Variants in ANO2 observed in about 807,000 individuals in gnomAD.
ANO2 encodes anoctamin 2, also known as anoctamin-2.
In ANO2, 101 loss-of-function variants were observed where a neutral mutation model predicts 124.2. The observed-to-expected ratio is 0.81, with a 90% confidence interval of 0.69 to 0.96. The LOEUF (loss-of-function observed/expected upper bound fraction) is 0.96. Among genes scored for constraint, ANO2 ranks in the 40% least tolerant of loss-of-function variants. The pLI is 0.00. For missense variants in ANO2, 1,293 were observed against 1,274.5 expected, an observed-to-expected ratio of 1.01 and a Z score of -0.22; for synonymous variants, 486 against 482.5, an observed-to-expected ratio of 1.01 and a Z score of -0.09.
chr12:5,565,805 G>A (rs1461191321), intron 23 of ANO2, 142 bp from the exon 24 acceptor site: 1 of 641,862 alleles, frequency 1.6e-6, no homozygotes, highest in East Asian at 2.9e-5. Context: ...GGGAAGTGGG[G>A]GGAATCTATG....
intron 14 of ANO2, among the ~76,000 whole-genome samples, chr12:5,705,144 G>A (rs1269114068): frequency 6.6e-6 from 1 of 152,184 alleles, no homozygotes; most frequent in African/African-American, 2.4e-5. Context: ...ATGTTTTATG[G>A]GGAATGGAGA....
chr12:5,798,261 C>T (rs1422744932), intron 10 of ANO2, among the ~76,000 whole-genome samples: 1 of 151,992 alleles, frequency 6.6e-6, no homozygotes, highest in Non-Finnish European at 1.5e-5. Flanking sequence ...GGCACCTGGT[C>T]ACAGGCCCCG....
intron 3 of ANO2, among the ~76,000 whole-genome samples, chr12:5,872,137 C>G (rs2137282463): frequency 6.6e-6 from 1 of 152,094 alleles, no homozygotes; most frequent in East Asian, 1.9e-4. Flanking sequence ...TTCCATTGTC[C>G]TTTTTCCCTC....
chr12:5,937,329 CA>C (rs1942691521), intron 1 of ANO2, among the ~76,000 whole-genome samples: 1 of 152,182 alleles, frequency 6.6e-6, no homozygotes, highest in Non-Finnish European at 1.5e-5. Flanking sequence ...AGGACTTTTT[CA>C]TATACCTGTT....
At chr12:5,662,179 A>G (rs893366853) in intron 14 of ANO2, among the ~76,000 whole-genome samples, 1 of 152,262 alleles carries the variant, frequency 6.6e-6, no homozygotes, top group Non-Finnish European at 1.5e-5. Flanking sequence ...GCCTGCAGCC[A>G]AAGCTTGTTT....
intron 19 of ANO2, among the ~76,000 whole-genome samples, chr12:5,601,179 A>G (rs1217152256): frequency 6.6e-6 from 1 of 152,148 alleles, no homozygotes; most frequent in East Asian, 1.9e-4. Context: ...TAACTTGCCC[A>G]CAGGGTGAGT....
intron 15 of ANO2, among the ~76,000 whole-genome samples, chr12:5,646,644 C>T (rs1797816262): frequency 6.6e-6 from 1 of 152,174 alleles, no homozygotes; most frequent in African/African-American, 2.4e-5. Context: ...AACTTTCTAT[C>T]ATTGCAGCTT....
In ANO2 at chr12:5,584,131, A is replaced by ACCC. The variant is rs35425375; in HGVS notation, c.2234-5616_2234-5614dup. Reference sequence around the variant, plus strand: ...TGTGTCATTCCTTAATTTAATGAACACCCCCCCCCCGCCGCAAGAATATTA... The same window carrying ACCC: ...TGTGTCATTCCTTAATTTAATGAACACCCCCCCCCCCCCGCCGCAAGAATATTA... On this transcript the variant is annotated intron_variant, in intron 20 of 24. Coordinates refer to ENST00000682330, the MANE Select transcript of ANO2 (RefSeq NM_001364791.2). 248 of 133,906 alleles carry ACCC rather than the reference A, an allele frequency of 1.9e-3. 1 individual carries two copies. The highest frequency in any genetic ancestry group is 4.2e-3 in the African/African-American group (137 of 32,254). The allele number at this position is 133,906 out of a possible 1,614,324, so 8.3% of individuals were successfully genotyped here.
intron 24 of ANO2, among the ~76,000 whole-genome samples, chr12:5,564,971 T>C (rs531745238): frequency 3.3e-5 from 5 of 152,042 alleles, no homozygotes; most frequent in South Asian, 2.1e-4. Flanking sequence ...AGAGTGGGAA[T>C]TGGGGGCCCT....
intron 20 of ANO2, among the ~76,000 whole-genome samples, 154 bp from the exon 21 acceptor site, chr12:5,578,672 C>T (rs1326198499): frequency 3.9e-5 from 6 of 152,172 alleles, no homozygotes; most frequent in Non-Finnish European, 7.3e-5. Flanking sequence ...GTCACATACA[C>T]GGTATTTCTT....
At chr12:5,753,322 T>C (rs1213086651) in intron 10 of ANO2, among the ~76,000 whole-genome samples, 11 of 152,120 alleles carry the variant, frequency 7.2e-5, no homozygotes, top group Admixed American at 6.5e-4. Context: ...GGTAGCAGAA[T>C]AGTCAATTAA....
At chr12:5,690,209 G>A (rs1948872615) in intron 14 of ANO2, among the ~76,000 whole-genome samples, 1 of 152,206 alleles carries the variant, frequency 6.6e-6, no homozygotes, top group Non-Finnish European at 1.5e-5. Context: ...TACAGGGAAA[G>A]TGGCAAAGTT....
chr12:5,922,435 A>G (rs1179471590), intron 2 of ANO2, among the ~76,000 whole-genome samples, 185 bp downstream of exon 2: 1 of 152,212 alleles, frequency 6.6e-6, no homozygotes. Context: ...TCTGACCAGA[A>G]CAGGGCACTG....
chr12:5,936,683 G>C (rs1942666017), intron 1 of ANO2, among the ~76,000 whole-genome samples: 1 of 152,184 alleles, frequency 6.6e-6, no homozygotes, highest in African/African-American at 2.4e-5. Flanking sequence ...TATGGTTTTG[G>C]TGTAACATTA....
chr12:5,913,273 T>G (rs1244952973), intron 3 of ANO2, among the ~76,000 whole-genome samples: 1 of 152,080 alleles, frequency 6.6e-6, no homozygotes, highest in East Asian at 1.9e-4. Context: ...AAGTTTTATA[T>G]AGGTAAGAGT....
chr12:5,775,678 G>T (rs1446618576), intron 10 of ANO2, among the ~76,000 whole-genome samples: 2 of 152,026 alleles, frequency 1.3e-5, no homozygotes, highest in Non-Finnish European at 2.9e-5. Context: ...AGCCAGGATG[G>T]TCTCGATCTT....
chr12:5,909,604 G>A (rs1038911764), intron 3 of ANO2, among the ~76,000 whole-genome samples: 2 of 152,176 alleles, frequency 1.3e-5, no homozygotes, highest in Admixed American at 6.5e-5. Context: ...GCACACCATG[G>A]ACTAAACAAC....
intron 14 of ANO2, among the ~76,000 whole-genome samples, chr12:5,654,469 C>G (rs979822519): frequency 1.3e-5 from 2 of 152,176 alleles, no homozygotes; most frequent in African/African-American, 4.8e-5. Flanking sequence ...GTTCTGTGTA[C>G]TGTCTGAGGA....
chr12:5,851,906 G>T (rs375224528), intron 4 of ANO2: 6 of 731,594 alleles, frequency 8.2e-6, no homozygotes, highest in African/African-American at 1.7e-5. Flanking sequence ...CCCCTAAAAG[G>T]GTTACCCTGG....
Sources: allele counts gnomAD v4.1 joint callset (sites outside exome capture counted in the v4.1 genomes callset), GRCh38; gene constraint gnomAD v4.1.1; transcripts MANE v1.5; gene names NCBI Gene and HGNC (gene_info 2026-07-23, HGNC 2026-07-21).